The following CDH13 variants were observed in gnomAD, a reference collection of about 807,000 sequenced individuals.
CDH13 encodes the protein cadherin-13.
CDH13 carries 24 observed loss-of-function variants against 63.8 expected under a neutral mutation model. The observed-to-expected ratio is 0.38, with a 90% CI of 0.27 to 0.53. CDH13 has a LOEUF of 0.53. Among genes scored for constraint, CDH13 ranks in the 20% least tolerant of loss-of-function variants. CDH13 has a pLI of 0.85. For missense variants in CDH13, 1,049 were observed against 903.1 expected, an observed-to-expected ratio of 1.16 and a Z score of -2.07; for synonymous variants, 503 against 355.3, an observed-to-expected ratio of 1.42 and a Z score of -4.67.
At chr16:82,892,782 A>G (rs943697489) in intron 2 of CDH13, among the ~76,000 whole-genome samples, 1 of 152,198 alleles carries the variant, frequency 6.6e-6, no homozygotes, top group South Asian at 2.1e-4. Flanking sequence ...TCAAATTACT[A>G]AAAGCATTCA....
chr16:83,416,196 G>A (rs772637462), intron 6 of CDH13, among the ~76,000 whole-genome samples: 5 of 152,194 alleles, frequency 3.3e-5, no homozygotes, highest in Admixed American at 6.5e-5. Context: ...AACTAAGACA[G>A]TGAAAGACAT....
intron 10 of CDH13, among the ~76,000 whole-genome samples, chr16:83,681,664 T>C (rs1375485794): frequency 6.6e-6 from 1 of 152,146 alleles, no homozygotes; most frequent in African/African-American, 2.4e-5. Flanking sequence ...CACCGACAGG[T>C]TGAGCTATTG....
chr16:82,905,193 C>T (rs933426174), intron 2 of CDH13, among the ~76,000 whole-genome samples: 7 of 152,122 alleles, frequency 4.6e-5, no homozygotes, highest in African/African-American at 1.7e-4. Context: ...GGAGAAAGAG[C>T]TTGAGAATCG....
chr16:83,212,926 A>G (rs2039381347), intron 4 of CDH13, among the ~76,000 whole-genome samples: 1 of 152,204 alleles, frequency 6.6e-6, no homozygotes, highest in Admixed American at 6.5e-5. Flanking sequence ...CAAGGCCCCT[A>G]CTGGAAGTGA....
chr16:83,498,006 C>T (rs898092560), intron 7 of CDH13, among the ~76,000 whole-genome samples: 5 of 152,224 alleles, frequency 3.3e-5, no homozygotes, highest in African/African-American at 1.2e-4. Flanking sequence ...CTCAGACAGA[C>T]ACTTGGTAAT....
intron 1 of CDH13, among the ~76,000 whole-genome samples, chr16:82,704,143 A>G (rs928957332): frequency 6.6e-6 from 1 of 152,148 alleles, no homozygotes; most frequent in African/African-American, 2.4e-5. Context: ...GCCACAGACA[A>G]ATAAAGAAAG....
At chr16:83,048,972 A>G (rs1202339524) in intron 3 of CDH13, among the ~76,000 whole-genome samples, 4 of 152,180 alleles carry the variant, frequency 2.6e-5, no homozygotes, top group Non-Finnish European at 4.4e-5. Context: ...TGTCCTCAAC[A>G]TTTTGGTGAA....
intron 1 of CDH13, chr16:82,824,950 G>A (rs192259219): frequency 2.0e-5 from 3 of 152,156 alleles, no homozygotes; most frequent in Admixed American, 2.0e-4. Context: ...ATCTTTTACA[G>A]ATACCTTCTA....
intron 8 of CDH13, among the ~76,000 whole-genome samples, chr16:83,625,694 C>A (rs1304810137): frequency 6.6e-6 from 1 of 152,156 alleles, no homozygotes; most frequent in East Asian, 1.9e-4. Flanking sequence ...TCTGACCCAT[C>A]GTCCCCTGAG....
At chr16:83,372,020 A>C (rs1423909432) in intron 6 of CDH13, among the ~76,000 whole-genome samples, 1 of 152,226 alleles carries the variant, frequency 6.6e-6, no homozygotes, top group African/African-American at 2.4e-5. Flanking sequence ...ATTCAGTTCC[A>C]CGTAAGTGGG....
intron 8 of CDH13, among the ~76,000 whole-genome samples, chr16:83,651,964 T>C (rs1041111376): frequency 6.6e-6 from 1 of 152,202 alleles, no homozygotes; most frequent in Admixed American, 6.5e-5. Flanking sequence ...TTCATTATGT[T>C]ACTCCACCCT....
intron 1 of CDH13, among the ~76,000 whole-genome samples, chr16:82,759,602 A>T (rs2034752140): frequency 6.6e-6 from 1 of 151,006 alleles, no homozygotes; most frequent in South Asian, 2.1e-4. Context: ...ATATATATGT[A>T]TAATATAACA....
At chr16:83,760,580 T>C (rs556905052) in intron 11 of CDH13, among the ~76,000 whole-genome samples, 1 of 152,340 alleles carries the variant, frequency 6.6e-6, no homozygotes, top group African/African-American at 2.4e-5. Context: ...AAAAGAAGGC[T>C]GAAACAAGAA....
intron 7 of CDH13, among the ~76,000 whole-genome samples, chr16:83,581,218 C>A (rs1383742740): frequency 6.6e-6 from 1 of 152,184 alleles, no homozygotes; most frequent in Non-Finnish European, 1.5e-5. Flanking sequence ...ATGGTCTCTG[C>A]CCTTCCGAAG....
In CDH13 at chr16:83,278,728, G is replaced by A. The variant is rs186061484; in HGVS notation, c.636+61231G>A. ...GCAGAGAAGAGAAGGATACAAGTGTGGCCAAATATGTTAGAGGCTGGAGCA... is the reference window on the plus strand; with the variant it reads ...GCAGAGAAGAGAAGGATACAAGTGTAGCCAAATATGTTAGAGGCTGGAGCA... On this transcript the variant is annotated intron_variant, in intron 5 of 13. Transcript: ENST00000567109. 1.4e-3 allele frequency among the ~76,000 whole-genome samples: 212 copies of A among 152,272 alleles called. 1 individual carries two copies. In the Middle Eastern group the frequency reaches 0.02, roughly 15 times the overall value.
intron 6 of CDH13, among the ~76,000 whole-genome samples, chr16:83,414,495 G>A (rs997021104): frequency 2.6e-5 from 4 of 152,134 alleles, no homozygotes; most frequent in African/African-American, 9.7e-5. Context: ...TCTAGGTACA[G>A]CATTGTATGG....
intron 3 of CDH13, among the ~76,000 whole-genome samples, chr16:83,097,248 T>C (rs559040846): frequency 6.6e-6 from 1 of 152,200 alleles, no homozygotes; most frequent in African/African-American, 2.4e-5. Flanking sequence ...GCTCATAGGA[T>C]AAGAATTCTT....
At chr16:83,134,768 C>A (rs2036209661) in intron 4 of CDH13, among the ~76,000 whole-genome samples, 1 of 152,146 alleles carries the variant, frequency 6.6e-6, no homozygotes, top group Non-Finnish European at 1.5e-5. Context: ...TGTTGCCCTC[C>A]TGCAAATTTT....
At chr16:83,223,565 C>G (rs868306162) in intron 5 of CDH13, among the ~76,000 whole-genome samples, 1 of 152,144 alleles carries the variant, frequency 6.6e-6, no homozygotes, top group Admixed American at 6.5e-5. Flanking sequence ...ATGTGGCAGC[C>G]CTGCTTGGGT....
Sources: gnomAD v4.1 joint callset for allele counts (sites outside exome capture counted in the v4.1 genomes callset) on GRCh38, gnomAD v4.1.1 for gene constraint, MANE v1.5 for transcripts, NCBI Gene and HGNC (gene_info 2026-07-23, HGNC 2026-07-21) for gene names.